ATR: variants seen among roughly 807,000 people sequenced by gnomAD.
ATR encodes ATR checkpoint kinase.
ATR carries 142 observed loss-of-function variants against 305.3 expected under a neutral mutation model. The ratio of observed to expected loss-of-function variants is 0.47; its 90% confidence interval spans 0.41 to 0.53. The LOEUF is 0.53. Ranked by LOEUF, ATR falls within the 20% of genes least tolerant of loss-of-function variation. The pLI, the probability that ATR is intolerant of heterozygous loss-of-function variation, is 0.00. For missense variants in ATR, 2,135 were observed against 3,133.1 expected (o/e 0.68, Z 7.60); for synonymous variants, 1,050 against 1,068.1 (o/e 0.98, Z 0.33).
chr3:142,490,959 T>C (rs2031242995), intron 35 of ATR, among the ~76,000 whole-genome samples: 1 of 152,176 alleles, frequency 6.6e-6, no homozygotes, highest in Non-Finnish European at 1.5e-5. Context: ...ATTTAAAGAT[T>C]GCCATTTGGG....
intron 36 of ATR, among the ~76,000 whole-genome samples, chr3:142,478,859 C>G (rs1178886634): frequency 5.3e-5 from 8 of 152,000 alleles, no homozygotes; most frequent in Non-Finnish European, 1.0e-4. Flanking sequence ...TTCTTTGTCT[C>G]TTTTGATCTT....
chr3:142,565,186 TTA>T (rs1452267703), intron 3 of ATR, among the ~76,000 whole-genome samples: 3 of 152,098 alleles, frequency 2.0e-5, no homozygotes, highest in Non-Finnish European at 2.9e-5. Flanking sequence ...AGAGCACAGT[TTA>T]ATAGCCTCTA....
Position 142,542,724 on chromosome 3 carries a change from A to G in ATR, c.3391T>C (p.Leu1131=), listed in dbSNP as rs763939523. The stretch of plus-strand genomic sequence containing the variant: ...AGTAACTGCATGTTAAAAAAAGCCA[A>G]AATGCCCAACAATTTGGGTTGTAAA... ...DYLQPKLLGI[L]AFFNMQLLSS... The change falls in exon 17 of 47, where the codon TTG becomes CTG. Residue 1131 remains leucine (L), a synonymous_variant. Transcript: ENST00000350721. The G allele has an allele frequency of 6.2e-7, 1 of 1,613,338 alleles. No individual in the cohort carries two copies. The highest frequency in any genetic ancestry group is 8.5e-7 in the Non-Finnish European group (1 of 1,179,566).
rs372610600 is a variant in ATR at position 142,556,038 on chromosome 3, G to C, written c.2180C>G (p.Ser727Cys). The C allele has an allele frequency of 4.3e-6, 7 of 1,613,850 alleles. No homozygotes were observed. The African/African-American group carries it at 8.0e-5, about 18-fold the overall frequency. The change falls in exon 10 of 47, where the codon TCT becomes TGT. Residue 727 changes from serine (S) to cysteine (C), a missense_variant. By Grantham distance (112) the Ser-to-Cys change is moderately radical. Transcript: ENST00000350721. ...GTGTTCAGAGAAAGGTTCTGTTAAAGAACTTGTCAGATAAAACATGCCGTG... is the reference window on the plus strand; with the variant it reads ...GTGTTCAGAGAAAGGTTCTGTTAAACAACTTGTCAGATAAAACATGCCGTG... ...TLHGMFYLTS[S>C]LTEPFSEHGH... is the part of the protein sequence containing the mutation.
chr3:142,479,960 G>A (rs2108299465), intron 36 of ATR, among the ~76,000 whole-genome samples: 1 of 152,260 alleles, frequency 6.6e-6, no homozygotes, highest in African/African-American at 2.4e-5. Flanking sequence ...GGATTTCTCT[G>A]CATTGGTTAT....
In ATR at chr3:142,562,953, A is replaced by G. The variant is rs1374171612; in HGVS notation, c.449T>C (p.Leu150Ser). ...AIFGVLTKELLQLFEDLVYLH... is the reference protein window; with the variant it reads ...AIFGVLTKELSQLFEDLVYLH... Reference sequence around the variant, plus strand: ...GTAAACCAAGTCTTCAAAAAGTTGTAATAATTCTTTTGTGAGTACCCCAAA... The same window carrying G: ...GTAAACCAAGTCTTCAAAAAGTTGTGATAATTCTTTTGTGAGTACCCCAAA... Residue 150 changes from leucine to serine, a missense_variant, in exon 4 of 47, where the codon TTA becomes TCA. Around this residue, in one of 9 missense-constraint regions of ATR, gnomAD observed 744 missense variants for 873.2 expected, o/e 0.85. Coordinates refer to ENST00000350721, the MANE Select transcript of ATR (RefSeq NM_001184.4). 1.2e-6 allele frequency: 2 copies of G among 1,612,754 alleles called. No homozygotes were observed. Among genetic ancestry groups the G allele is most frequent in the East Asian group, 2.2e-5 (1 of 44,878 alleles).
intron 45 of ATR, among the ~76,000 whole-genome samples, chr3:142,455,864 A>C (rs112352751): frequency 0.013 from 1,919 of 152,360 alleles, 44 homozygotes; most frequent in African/African-American, 0.043. Flanking sequence ...AAACACCAAA[A>C]ATAACCAGAA....
chr3:142,531,586 C>CA (rs2033648282), intron 21 of ATR, among the ~76,000 whole-genome samples: 1 of 152,166 alleles, frequency 6.6e-6, no homozygotes, highest in South Asian at 2.1e-4. Context: ...GACATGAACT[C>CA]ATCCTTTTTT....
intron 36 of ATR, among the ~76,000 whole-genome samples, chr3:142,473,809 G>A (rs1263861088): frequency 6.6e-6 from 1 of 152,010 alleles, no homozygotes; most frequent in East Asian, 1.9e-4. Flanking sequence ...GCCTCGCTAT[G>A]ATTACAGGTG....
intron 1 of ATR, among the ~76,000 whole-genome samples, chr3:142,571,648 T>C (rs11923612): frequency 0.34 from 51,349 of 152,112 alleles, 9,189 homozygotes; most frequent in Middle Eastern, 0.44. Flanking sequence ...AGACAGTTAC[T>C]TATAAATAAT....
At chr3:142,544,374 C>T (rs868785442) in intron 16 of ATR, among the ~76,000 whole-genome samples, 9 of 136,550 alleles carry the variant, frequency 6.6e-5, no homozygotes, top group African/African-American at 1.7e-4. Flanking sequence ...ATTGCTTAAG[C>T]GCTGGAGGCA....
chr3:142,479,848 C>A (rs1286118208), intron 36 of ATR, among the ~76,000 whole-genome samples: 1 of 152,224 alleles, frequency 6.6e-6, no homozygotes, highest in Non-Finnish European at 1.5e-5. Flanking sequence ...GATCTTCAAT[C>A]ACTGATACCC....
intron 1 of ATR, among the ~76,000 whole-genome samples, chr3:142,578,106 A>G (rs542810610): frequency 6.6e-6 from 1 of 152,338 alleles, no homozygotes; most frequent in East Asian, 1.9e-4. Context: ...TTCAGTATGT[A>G]CTATGACTTC....
Position 142,560,289 on chromosome 3 carries a change from A to C in ATR, c.1515T>G (p.Val505=). The C allele has an allele frequency of 6.2e-7, 1 of 1,613,962 alleles. No homozygotes were observed. Among genetic ancestry groups the C allele is most frequent in the Non-Finnish European group, 8.5e-7 (1 of 1,179,910 alleles). Residue 505 remains valine (V), a synonymous_variant, in exon 6 of 47, where the codon GTT becomes GTG. Transcript: ENST00000350721. ...AGTTCATGTTTTGATGAGAACAATG[A>C]ACAGTACACAGAGCAGTCAGTTGTA... The part of the protein sequence containing the change: ...VVLQLTALCT[V]HCSHQNMNCR...
chr3:142,478,812 C>G (rs925145118), intron 36 of ATR, among the ~76,000 whole-genome samples: 9 of 152,126 alleles, frequency 5.9e-5, no homozygotes, highest in Non-Finnish European at 1.3e-4. Context: ...GTTAGCTCTT[C>G]TTGTTGAATT....
chr3:142,458,870 A>C, intron 44 of ATR, 88 bp downstream of exon 44: 3 of 1,437,278 alleles, frequency 2.1e-6, no homozygotes, highest in Non-Finnish European at 2.9e-6. Context: ...TATAACTGCT[A>C]CTAACAGGTA....
chr3:142,564,872 C>T (rs1001036943), intron 3 of ATR, among the ~76,000 whole-genome samples: 1 of 152,042 alleles, frequency 6.6e-6, no homozygotes, highest in Non-Finnish European at 1.5e-5. Flanking sequence ...GTGCCTCAGC[C>T]TTCCAAGTAG....
intron 46 of ATR, chr3:142,451,729 G>A: frequency 8.6e-7 from 1 of 1,165,412 alleles, no homozygotes; most frequent in Non-Finnish European, 1.1e-6. Context: ...ACAGGAGTGT[G>A]CCACTGAGCC....
rs75131857 is a variant in ATR at position 142,554,066 on chromosome 3, T to C, written c.2342-51A>G. On this transcript the variant is annotated intron_variant, in intron 10 of 46. Coordinates refer to ENST00000350721, the MANE Select transcript of ATR (RefSeq NM_001184.4). ...TAATTTAACATATTAAATGTCAAGG[T>C]TGTACTGTAAAAATATTGTCAACAA... 5,547 of 1,435,940 alleles carry C rather than the reference T, an allele frequency of 3.9e-3. 175 individuals carry two copies. The African/African-American group carries it at 0.07, about 18-fold the overall frequency. 88.9% of individuals were successfully genotyped at this position (1,435,940 alleles called of 1,614,324 possible). A position where few individuals can be genotyped will look rare whatever the true frequency, so the allele number is the denominator to read the frequency against.
Sources: gnomAD v4.1 joint callset for allele counts (sites outside exome capture counted in the v4.1 genomes callset) on GRCh38, gnomAD v4.1.1 for gene constraint, gnomAD v4.1.1 regional missense constraint, MANE v1.5 for transcripts, NCBI Gene and HGNC (gene_info 2026-07-23, HGNC 2026-07-21) for gene names.